Variants in CALCRL observed in about 807,000 individuals in gnomAD.
CALCRL encodes calcitonin receptor like receptor, also known as calcitonin gene-related peptide type 1 receptor.
Under a neutral mutation model 60.4 loss-of-function variants are expected in CALCRL, and 27 were observed. That is an observed-to-expected ratio of 0.45 (90% confidence interval 0.33 to 0.62). The LOEUF (loss-of-function observed/expected upper bound fraction) is 0.62, where lower values mean the gene tolerates loss of function less well. Ranked by LOEUF, CALCRL falls within the 20% of genes least tolerant of loss-of-function variation. CALCRL has a pLI of 0.03. For synonymous variants in CALCRL, 190 were observed against 182.6 expected (o/e 1.04, Z -0.33); for missense variants, 424 against 540.7 (o/e 0.78, Z 2.14).
chr2:187,423,166 T>A (rs1308499228), intron 1 of CALCRL, among the ~76,000 whole-genome samples: 2 of 151,896 alleles, frequency 1.3e-5, no homozygotes, highest in Non-Finnish European at 2.9e-5. Context: ...AATAGAAAAA[T>A]TGTTCTGACT....
intron 1 of CALCRL, among the ~76,000 whole-genome samples, chr2:187,431,743 G>A (rs1690416737): frequency 1.5e-5 from 2 of 137,052 alleles, no homozygotes. Context: ...TGCTCTCATG[G>A]AGCTTATATT....
chr2:187,364,635 G>A (rs1437512759), intron 8 of CALCRL, among the ~76,000 whole-genome samples: 2 of 151,910 alleles, frequency 1.3e-5, no homozygotes, highest in Admixed American at 1.3e-4. Flanking sequence ...TTGGAATTAG[G>A]GTGGGATGCC....
intron 8 of CALCRL, among the ~76,000 whole-genome samples, chr2:187,377,986 A>C (rs1687832303): frequency 6.6e-6 from 1 of 151,772 alleles, no homozygotes; most frequent in Non-Finnish European, 1.5e-5. Context: ...TAGAAGAAGG[A>C]AGTTGGAGGA....
intron 1 of CALCRL, among the ~76,000 whole-genome samples, chr2:187,436,417 T>G (rs975220984): frequency 2.0e-5 from 3 of 152,190 alleles, no homozygotes; most frequent in Admixed American, 2.0e-4. Flanking sequence ...CCTGAGAGAC[T>G]GAGACAGATT....
In CALCRL at chr2:187,343,146, T is replaced by C. The variant is rs1161164496; in HGVS notation, c.*3038A>G. On this transcript the variant is annotated 3_prime_UTR_variant, in exon 15 of 15. Transcript: ENST00000392370. ...TTTCTTAATTGGTTTATTGAATTCA[T>C]TTACTGGTTTACTGAAGACTTTAAA... 1 of 151,412 alleles carries C rather than the reference T, an allele frequency of 6.6e-6. No homozygotes were observed. Among genetic ancestry groups the C allele is most frequent in the Non-Finnish European group, 1.5e-5 (1 of 67,520 alleles). 9.4% of individuals were successfully genotyped at this position (151,412 alleles called of 1,614,324 possible).
intron 8 of CALCRL, among the ~76,000 whole-genome samples, chr2:187,367,460 T>C (rs186657576): frequency 5.5e-4 from 83 of 152,284 alleles, no homozygotes; most frequent in Non-Finnish European, 9.4e-4. Flanking sequence ...GCACTGATTT[T>C]TCTGATGATG....
At chr2:187,363,003 A>T (rs988547206) in intron 9 of CALCRL, among the ~76,000 whole-genome samples, 17 of 152,166 alleles carry the variant, frequency 1.1e-4, no homozygotes, top group African/African-American at 4.1e-4. Flanking sequence ...AATAAATATT[A>T]TGTAGTGATA....
At chr2:187,366,746 A>T (rs1687311126) in intron 8 of CALCRL, among the ~76,000 whole-genome samples, 1 of 152,064 alleles carries the variant, frequency 6.6e-6, no homozygotes, top group Admixed American at 6.6e-5. Flanking sequence ...GTTAAAGGTT[A>T]ATCCTCTTTG....
In CALCRL at chr2:187,352,138, G is replaced by T; in HGVS notation, c.1104C>A (p.Ile368=). The T allele has an allele frequency of 6.2e-7, 1 of 1,612,202 alleles. No individual in the cohort carries two copies. The highest frequency in any genetic ancestry group is 8.5e-7 in the Non-Finnish European group (1 of 1,178,762). Residue 368 remains isoleucine (I), a synonymous_variant, in exon 13 of 15, where the codon ATC becomes ATA. Transcript: ENST00000392370. ...GKIAEEVYDY[I]MHILMHFQGL... ...CCTGGAAGTGCATAAGGATGTGCATGATGTAGTCATATACCTCCTCTGCAA... is the reference window on the plus strand; with the variant it reads ...CCTGGAAGTGCATAAGGATGTGCATTATGTAGTCATATACCTCCTCTGCAA...
chr2:187,348,176 A>T (rs947395465), intron 14 of CALCRL, among the ~76,000 whole-genome samples: 3 of 151,796 alleles, frequency 2.0e-5, no homozygotes, highest in African/African-American at 7.2e-5. Flanking sequence ...GATAATTTAA[A>T]AATAACATCT....
At chr2:187,346,506 A>G in intron 14 of CALCRL, 107 bp from the exon 15 acceptor site, 1 of 722,966 alleles carries the variant, frequency 1.4e-6, no homozygotes, top group Non-Finnish European at 2.2e-6. Flanking sequence ...AGCTTTTTTA[A>G]AAAAAGTTAT....
chr2:187,403,864 A>T (rs1311605424), intron 1 of CALCRL, among the ~76,000 whole-genome samples: 1 of 151,890 alleles, frequency 6.6e-6, no homozygotes, highest in African/African-American at 2.4e-5. Flanking sequence ...GTTATAATTT[A>T]AAAATAGATC....
In CALCRL at chr2:187,363,511, CAAGAAA is replaced by C; in HGVS notation, c.501-15_501-10del. On this transcript the variant is annotated splice_polypyrimidine_tract_variant and intron_variant, in intron 8 of 14. Coordinates refer to ENST00000392370, the MANE Select transcript of CALCRL (RefSeq NM_005795.6). Reference sequence around the variant, plus strand: ...TTTGGCAACTTAGGCTCCTAAAAAGCAAGAAAAACAAGTGTGTTGACATCATGAAAT... The same window carrying C: ...TTTGGCAACTTAGGCTCCTAAAAAGCAACAAGTGTGTTGACATCATGAAAT... The C allele has an allele frequency of 6.3e-7, 1 of 1,582,092 alleles. No individual in the cohort carries two copies.
intron 1 of CALCRL, among the ~76,000 whole-genome samples, chr2:187,411,280 T>C (rs1256650973): frequency 6.6e-6 from 1 of 152,186 alleles, no homozygotes; most frequent in Non-Finnish European, 1.5e-5. Context: ...TATATAACTA[T>C]AAATAAGACT....
intron 1 of CALCRL, among the ~76,000 whole-genome samples, chr2:187,441,025 G>C (rs571146825): frequency 5.9e-5 from 9 of 151,888 alleles, no homozygotes; most frequent in Non-Finnish European, 1.0e-4. Flanking sequence ...ATTCATCAAA[G>C]CTTTATTCTT....
At chr2:187,414,876 ATTT>A (rs35114345) in intron 1 of CALCRL, among the ~76,000 whole-genome samples, 48 of 13,800 alleles carry the variant, frequency 3.5e-3, no homozygotes, top group African/African-American at 0.012. Context: ...CCAGAAAATT[ATTT>A]TTTTTTTTTT....
chr2:187,402,764 C>A (rs932257812), intron 1 of CALCRL, among the ~76,000 whole-genome samples: 1 of 151,662 alleles, frequency 6.6e-6, no homozygotes, highest in Non-Finnish European at 1.5e-5. Context: ...ATGGCAGCAT[C>A]CTGAGAAGGA....
At chr2:187,389,679 T>C (rs932383697) in intron 1 of CALCRL, among the ~76,000 whole-genome samples, 6 of 152,292 alleles carry the variant, frequency 3.9e-5, no homozygotes, top group Admixed American at 2.6e-4. Flanking sequence ...TGGAGAAACT[T>C]ACATCAATTT....
rs1426916569 is a variant in CALCRL at position 187,358,959 on chromosome 2, T to C, written c.909+104A>G. The C allele has an allele frequency of 1.3e-5, 11 of 874,274 alleles. No homozygotes were observed. In the East Asian group the frequency reaches 2.4e-4, roughly 19 times the overall value. The allele number at this position is 874,274 out of a possible 1,614,324, so 54.2% of individuals were successfully genotyped here. ...CATTTAAGCACTGTGAACATGCATG[T>C]CCATCTGTGTCCACTGGGACCCTGA... On this transcript the variant is annotated intron_variant, in intron 12 of 14. Transcript: ENST00000392370.
Sources: allele counts gnomAD v4.1 joint callset (sites outside exome capture counted in the v4.1 genomes callset), GRCh38; gene constraint gnomAD v4.1.1; transcripts MANE v1.5; gene names NCBI Gene and HGNC (gene_info 2026-07-23, HGNC 2026-07-21).